The following CSMD1 variants were observed in gnomAD, a reference collection of about 807,000 sequenced individuals.
CSMD1 encodes the protein CUB and sushi domain-containing protein 1.
In CSMD1, 213 loss-of-function variants were observed where a neutral mutation model predicts 417.5. The ratio of observed to expected loss-of-function variants is 0.51; its 90% CI spans 0.46 to 0.57. The LOEUF is 0.57. Among genes scored for constraint, CSMD1 ranks in the 20% least tolerant of loss-of-function variants. CSMD1 has a pLI of 0.00. For missense variants in CSMD1, 6,923 were observed against 4,529.7 expected (o/e 1.53, Z -15.17); for synonymous variants, 2,862 against 1,736.8 (o/e 1.65, Z -16.11).
rs368149922 is a variant in CSMD1 at position 4,475,036 on chromosome 8, G to T, written c.303-54971C>A. On this transcript the variant is annotated intron_variant, in intron 2 of 69. Transcript: ENST00000635120. ...TTATGTGGATTTTTCAATGCATAAG[G>T]GGTCAGTGTCCTAACCTCTGTGTTA... Among the ~76,000 whole-genome samples the T allele has an allele frequency of 3.9e-5, 6 of 152,166 alleles. No homozygotes were observed. The East Asian group carries it at 1.2e-3, about 29-fold the overall frequency.
chr8:4,818,038 C>A (rs1044655654), intron 1 of CSMD1, among the ~76,000 whole-genome samples: 6 of 152,132 alleles, frequency 3.9e-5, no homozygotes, highest in Admixed American at 2.0e-4. Flanking sequence ...CAGTGACCAG[C>A]ACTTTTTATA....
At chr8:4,196,241 T>C (rs1373907647) in intron 3 of CSMD1, among the ~76,000 whole-genome samples, 1 of 152,098 alleles carries the variant, frequency 6.6e-6, no homozygotes, top group Admixed American at 6.6e-5. Context: ...ATAATAAAAA[T>C]AAACGTCTGC....
intron 3 of CSMD1, among the ~76,000 whole-genome samples, chr8:4,074,222 G>C (rs1043383760): frequency 2.0e-5 from 3 of 151,866 alleles, no homozygotes; most frequent in Non-Finnish European, 4.4e-5. Flanking sequence ...AAATTATACA[G>C]CTTTTTGTAA....
chr8:3,659,938 A>G (rs897034370), intron 7 of CSMD1, among the ~76,000 whole-genome samples: 1 of 152,208 alleles, frequency 6.6e-6, no homozygotes, highest in African/African-American at 2.4e-5. Context: ...TGTGTAATCT[A>G]AAAGAATTGC....
chr8:4,290,036 G>T (rs1048049855), intron 3 of CSMD1, among the ~76,000 whole-genome samples: 1 of 152,270 alleles, frequency 6.6e-6, no homozygotes. Context: ...AACTGTTAAG[G>T]TTTAACCAGA....
chr8:3,864,689 G>A (rs1368269311), intron 5 of CSMD1, among the ~76,000 whole-genome samples: 1 of 152,028 alleles, frequency 6.6e-6, no homozygotes, highest in Non-Finnish European at 1.5e-5. Flanking sequence ...TGATGAAGGT[G>A]CCCTACTGGG....
At chr8:3,068,496 TA>T (rs1237968357) in intron 49 of CSMD1, among the ~76,000 whole-genome samples, 7 of 152,212 alleles carry the variant, frequency 4.6e-5, no homozygotes, top group Admixed American at 4.6e-4. Context: ...ACATGTGTAT[TA>T]GGCCATTCTC....
In CSMD1 at chr8:3,083,633, T is replaced by C. The variant is rs1814282196; in HGVS notation, c.7474+3464A>G. Among the ~76,000 whole-genome samples the C allele has an allele frequency of 6.6e-5, 2 of 30,450 alleles. 1 individual carries two copies. The highest frequency in any genetic ancestry group is 2.4e-4 in the African/African-American group (2 of 8,510). 20.0% of individuals were successfully genotyped at this position (30,450 alleles called of 152,430 possible). A position where few individuals can be genotyped will look rare whatever the true frequency, so the allele number is the denominator to read the frequency against. ...TTTTATATATATATATATATATATA[T>C]ATATATATATATATATTTTTTTTTT... On this transcript the variant is annotated intron_variant, in intron 49 of 69. Transcript: ENST00000635120.
intron 2 of CSMD1, among the ~76,000 whole-genome samples, chr8:4,592,848 T>A (rs1487029086): frequency 6.6e-6 from 1 of 152,202 alleles, no homozygotes; most frequent in African/African-American, 2.4e-5. Flanking sequence ...ACTATTGAAA[T>A]GAATTTCCAT....
At chr8:4,867,563 A>G (rs373640799) in intron 1 of CSMD1, among the ~76,000 whole-genome samples, 1 of 152,076 alleles carries the variant, frequency 6.6e-6, no homozygotes, top group South Asian at 2.1e-4. Flanking sequence ...ATAGTCCCAG[A>G]GCAGCCATAA....
intron 49 of CSMD1, 150 bp from the exon 50 acceptor site, chr8:3,052,797 T>C (rs13267917): frequency 0.52 from 315,053 of 602,210 alleles, 88,215 homozygotes; most frequent in Non-Finnish European, 0.56. Context: ...TTTTTTTTTC[T>C]GGAGACAAGA....
At chr8:4,982,315 A>G (rs1218147182) in intron 1 of CSMD1, among the ~76,000 whole-genome samples, 3 of 152,160 alleles carry the variant, frequency 2.0e-5, no homozygotes, top group Non-Finnish European at 2.9e-5. Context: ...TGCTCCCCCA[A>G]TCTGTCCTTC....
chr8:4,892,768 TATA>T (rs1244881773), intron 1 of CSMD1, among the ~76,000 whole-genome samples: 3 of 152,206 alleles, frequency 2.0e-5, no homozygotes, highest in Admixed American at 6.5e-5. Flanking sequence ...CTTTGTATTA[TATA>T]ATAATAATAG....
At chr8:3,596,991 C>T (rs1447171075) in intron 8 of CSMD1, among the ~76,000 whole-genome samples, 2 of 152,194 alleles carry the variant, frequency 1.3e-5, no homozygotes, top group African/African-American at 2.4e-5. Context: ...CACTCTGTTT[C>T]TGTGGCCATG....
At chr8:3,389,270 C>A (rs1363503772) in intron 17 of CSMD1, among the ~76,000 whole-genome samples, 1 of 152,134 alleles carries the variant, frequency 6.6e-6, no homozygotes, top group Non-Finnish European at 1.5e-5. Context: ...CTTCCTGCTA[C>A]CCTCAACCCT....
chr8:3,849,906 C>T (rs1045025568), intron 5 of CSMD1, among the ~76,000 whole-genome samples: 1 of 152,162 alleles, frequency 6.6e-6, no homozygotes, highest in Non-Finnish European at 1.5e-5. Flanking sequence ...ACCTCCACCT[C>T]CCAGTTCAAG....
At chr8:3,622,487 C>G (rs1481962944) in intron 7 of CSMD1, among the ~76,000 whole-genome samples, 2 of 152,120 alleles carry the variant, frequency 1.3e-5, no homozygotes, top group African/African-American at 2.4e-5. Flanking sequence ...AAAGAAATGG[C>G]AGAAATTGGA....
At chr8:3,312,550 T>C (rs1805431057) in intron 23 of CSMD1, among the ~76,000 whole-genome samples, 1 of 152,176 alleles carries the variant, frequency 6.6e-6, no homozygotes, top group Non-Finnish European at 1.5e-5. Flanking sequence ...CTCTCAAAGC[T>C]CCTCGCAGGA....
rs1048900480 is a variant in CSMD1, at chr8:3,731,493, T to C, written c.931+22437A>G. On this transcript the variant is annotated intron_variant, in intron 6 of 69. Transcript: ENST00000635120. ...CAATCCGAAACTTGCCCAGCCACTG[T>C]TGGACAATTCATGGATAAGTGCTTG... 3.9e-5 allele frequency among the ~76,000 whole-genome samples: 6 copies of C among 152,220 alleles called. 2 individuals are homozygous for C. Among genetic ancestry groups the C allele is most frequent in the Admixed American group, 3.3e-4 (5 of 15,282 alleles).
Sources: gnomAD v4.1 joint callset for allele counts (sites outside exome capture counted in the v4.1 genomes callset) on GRCh38, gnomAD v4.1.1 for gene constraint, MANE v1.5 for transcripts, NCBI Gene and HGNC (gene_info 2026-07-23, HGNC 2026-07-21) for gene names.